IGF1R: variants seen among roughly 807,000 people sequenced by gnomAD.
IGF1R encodes insulin-like growth factor 1 receptor.
In IGF1R, 44 loss-of-function variants were observed where a neutral mutation model predicts 144.6. The observed-to-expected ratio is 0.30, with a 90% confidence interval of 0.24 to 0.39. The LOEUF (loss-of-function observed/expected upper bound fraction) is 0.39, where lower values mean the gene tolerates loss of function less well. Ranked by LOEUF, IGF1R falls within the 10% of genes least tolerant of loss-of-function variation. IGF1R has a pLI of 1.00. For synonymous variants in IGF1R, 795 were observed against 722.8 expected (o/e 1.10, Z -1.60); for missense variants, 1,355 against 1,833.7 (o/e 0.74, Z 4.77).
chr15:98,889,620 T>C (rs1057004745), intron 2 of IGF1R, among the ~76,000 whole-genome samples: 36 of 152,346 alleles, frequency 2.4e-4, no homozygotes, highest in Admixed American at 2.2e-3. Flanking sequence ...GCTTTCAGAA[T>C]GGCTTGTCTT....
intron 18 of IGF1R, among the ~76,000 whole-genome samples, chr15:98,940,623 T>C (rs1025717896): frequency 6.6e-6 from 1 of 152,194 alleles, no homozygotes; most frequent in African/African-American, 2.4e-5. Flanking sequence ...CAGGATGGTC[T>C]TGAACTCCTG....
chr15:98,838,095 G>A (rs921654455), intron 2 of IGF1R, among the ~76,000 whole-genome samples: 1 of 151,952 alleles, frequency 6.6e-6, no homozygotes, highest in Non-Finnish European at 1.5e-5. Flanking sequence ...GAGTATTATT[G>A]GACAGGTTTG....
intron 2 of IGF1R, among the ~76,000 whole-genome samples, chr15:98,764,895 A>T (rs562902738): frequency 6.6e-6 from 1 of 152,172 alleles, no homozygotes; most frequent in Non-Finnish European, 1.5e-5. Context: ...TGCAATTGCC[A>T]TCTCTATCTA....
intron 2 of IGF1R, among the ~76,000 whole-genome samples, chr15:98,739,275 A>G (rs2054682267): frequency 6.6e-6 from 1 of 152,150 alleles, no homozygotes; most frequent in Admixed American, 6.5e-5. Context: ...CTTTCTCTGC[A>G]TGCTCTGTTG....
intron 2 of IGF1R, among the ~76,000 whole-genome samples, chr15:98,762,752 AC>A (rs1371815479): frequency 6.6e-6 from 1 of 151,806 alleles, no homozygotes; most frequent in East Asian, 1.9e-4. Flanking sequence ...TAAAACAAAA[AC>A]AAAAACAAAA....
chr15:98,687,896 C>CT (rs997102585), intron 1 of IGF1R, among the ~76,000 whole-genome samples: 19 of 152,154 alleles, frequency 1.2e-4, no homozygotes, highest in Non-Finnish European at 2.1e-4. Flanking sequence ...AACTTCCTTG[C>CT]TGGAAGCAGG....
intron 2 of IGF1R, among the ~76,000 whole-genome samples, chr15:98,732,363 TG>T (rs1484659685): frequency 4.6e-5 from 7 of 151,946 alleles, no homozygotes; most frequent in Non-Finnish European, 1.0e-4. Flanking sequence ...AGAATGAAGG[TG>T]AGAATGCTGG....
rs574082321 is a variant in IGF1R, at chr15:98,960,829, C to T, written c.*3387C>T. ...TCTCAACTTCTCCCTCACCTCCTTC[C>T]CTAGGGGTAGACAGAGATGTACCAA... is the stretch of plus-strand genomic sequence containing the variant. On this transcript the variant is annotated 3_prime_UTR_variant, in exon 21 of 21. Coordinates refer to ENST00000650285, the MANE Select transcript of IGF1R (RefSeq NM_000875.5). 2.3e-4 allele frequency: 54 copies of T among 233,886 alleles called. 1 individual carries two copies. The highest frequency in any genetic ancestry group is 1.9e-3 in the Admixed American group (34 of 17,802). 14.5% of individuals were successfully genotyped at this position (233,886 alleles called of 1,614,324 possible).
chr15:98,862,394 C>T (rs1370815764), intron 2 of IGF1R, among the ~76,000 whole-genome samples: 2 of 152,144 alleles, frequency 1.3e-5, no homozygotes, highest in Admixed American at 6.5e-5. Context: ...ACTTGCACCT[C>T]GCTGGAAGAC....
intron 2 of IGF1R, among the ~76,000 whole-genome samples, chr15:98,803,644 T>C (rs1400811662): frequency 1.3e-5 from 2 of 152,068 alleles, no homozygotes; most frequent in Non-Finnish European, 2.9e-5. Context: ...TAGCCGGGAC[T>C]AGACGCACAC....
chr15:98,808,128 G>A (rs2056507068), intron 2 of IGF1R, among the ~76,000 whole-genome samples: 2 of 152,196 alleles, frequency 1.3e-5, no homozygotes, highest in African/African-American at 4.8e-5. Context: ...GAAGAATGAT[G>A]TTAGGGTATT....
At chr15:98,716,748 G>A (rs1193739547) in intron 2 of IGF1R, among the ~76,000 whole-genome samples, 2 of 151,386 alleles carry the variant, frequency 1.3e-5, no homozygotes, top group Non-Finnish European at 2.9e-5. Flanking sequence ...TTCAAGTCAA[G>A]GAGGAATAAG....
At chr15:98,701,423 G>A (rs907645402) in intron 1 of IGF1R, among the ~76,000 whole-genome samples, 7 of 130,398 alleles carry the variant, frequency 5.4e-5, no homozygotes, top group African/African-American at 2.1e-4. Context: ...TGCAAGCTCC[G>A]CCTCCCGGGT....
chr15:98,878,855 G>C (rs2013218633), intron 2 of IGF1R, among the ~76,000 whole-genome samples: 1 of 152,020 alleles, frequency 6.6e-6, no homozygotes, highest in Non-Finnish European at 1.5e-5. Flanking sequence ...AATTAGCTGG[G>C]CGTGGTGGTG....
chr15:98,715,930 G>T (rs2054103839), intron 2 of IGF1R, among the ~76,000 whole-genome samples: 1 of 152,200 alleles, frequency 6.6e-6, no homozygotes, highest in Non-Finnish European at 1.5e-5. Context: ...CACATTTTAA[G>T]TAAAAACCAA....
At chr15:98,931,759 G>A (rs1403713481) in intron 15 of IGF1R, among the ~76,000 whole-genome samples, 1 of 151,842 alleles carries the variant, frequency 6.6e-6, no homozygotes, top group African/African-American at 2.4e-5. Flanking sequence ...AGCTACTCGG[G>A]AGACTGAGGT....
chr15:98,888,547 A>G (rs996507716), intron 2 of IGF1R, among the ~76,000 whole-genome samples: 3 of 152,092 alleles, frequency 2.0e-5, no homozygotes, highest in Non-Finnish European at 2.9e-5. Context: ...CAGCATATAT[A>G]TCCCAACATT....
Position 98,942,886 on chromosome 15 carries a change from T to C in IGF1R, c.3458-37T>C, listed in dbSNP as rs1174621401. 3 of 1,613,570 alleles carry C rather than the reference T, an allele frequency of 1.9e-6. No individual in the cohort carries two copies. The African/African-American group carries it at 4.0e-5, about 22-fold the overall frequency. ...CTGCTGTGACAGCAGTGGTGCCTGC[T>C]CCAGCGTGTGACTCTGCGCCCTCTC... On this transcript the variant is annotated intron_variant, in intron 18 of 20. Coordinates refer to ENST00000650285, the MANE Select transcript of IGF1R (RefSeq NM_000875.5).
intron 1 of IGF1R, among the ~76,000 whole-genome samples, chr15:98,676,563 TA>T (rs199536884): frequency 2.0e-3 from 291 of 146,496 alleles, no homozygotes; most frequent in Middle Eastern, 7.0e-3. Flanking sequence ...CCACTCAGGT[TA>T]AAAAAAAAAA....
Sources: allele counts gnomAD v4.1 joint callset (sites outside exome capture counted in the v4.1 genomes callset), GRCh38; gene constraint gnomAD v4.1.1; transcripts MANE v1.5; gene names NCBI Gene and HGNC (gene_info 2026-07-23, HGNC 2026-07-21).